PLCXD1: variants seen among roughly 807,000 people sequenced by gnomAD.
The protein encoded by PLCXD1 is PI-PLC X domain-containing protein 1.
PLCXD1 carries 45 observed loss-of-function variants against 37.8 expected under a neutral mutation model. The observed-to-expected ratio is 1.19, with a 90% CI of 0.94 to 1.53. The LOEUF (loss-of-function observed/expected upper bound fraction) is 1.53. Among genes scored for constraint, PLCXD1 ranks in the 40% most tolerant of loss-of-function variants. PLCXD1 has a pLI of 0.00. For missense variants in PLCXD1, 539 were observed against 454.7 expected (o/e 1.19, Z -1.69); for synonymous variants, 246 against 206.9 (o/e 1.19, Z -1.62).
chrX:282,916 A>G (rs985590542), intron 1 of PLCXD1, among the ~76,000 whole-genome samples: 4 of 140,926 alleles, frequency 2.8e-5, no homozygotes, highest in Non-Finnish European at 6.0e-5. Flanking sequence ...ATATATGTAT[A>G]TATGTTATAC....
At chrX:283,564 T>A (rs74656081) in intron 1 of PLCXD1, 2 of 70,064 alleles carry the variant, frequency 2.9e-5, no homozygotes, top group African/African-American at 4.6e-5. Flanking sequence ...GGGGGCGGCC[T>A]TGGTGTCAGG....
At chrX:290,601 G>A (rs766288980) in intron 3 of PLCXD1, 47 bp from the exon 4 acceptor site, 2 of 1,607,604 alleles carry the variant, frequency 1.2e-6, no homozygotes, top group African/African-American at 2.7e-5. Flanking sequence ...GAGCCCCCCA[G>A]ACGCGGCGCT....
chrX:284,389 T>C, intron 2 of PLCXD1, 75 bp downstream of exon 2: 1 of 1,551,274 alleles, frequency 6.4e-7, no homozygotes, highest in East Asian at 2.2e-5. Flanking sequence ...CTGTGGCGTC[T>C]GCATTCCCCA....
chrX:276,610 G>A (rs753180076), upstream of PLCXD1, among the ~76,000 whole-genome samples: 102 of 152,262 alleles, frequency 6.7e-4, no homozygotes, highest in African/African-American at 2.3e-3. Flanking sequence ...AGCCACAGGC[G>A]GCCTGCACCC....
rs2069602122 is a variant in PLCXD1 at position 290,706 on chromosome X, C to G, written c.323C>G (p.Ala108Gly). 1 of 1,613,618 alleles carries G rather than the reference C, an allele frequency of 6.2e-7. No individual in the cohort carries two copies. The highest frequency in any genetic ancestry group is 8.5e-7 in the Non-Finnish European group (1 of 1,179,718). Residue 108 changes from alanine (A) to glycine (G), a missense_variant, in exon 4 of 7, where the codon GCC becomes GGC. Coordinates refer to ENST00000381657, the MANE Select transcript of PLCXD1 (RefSeq NM_018390.4). ...AGVRYLDLRIAHMLEGSEKNL... is the reference protein window; with the variant it reads ...AGVRYLDLRIGHMLEGSEKNL... ...GTGCGGTACCTGGACCTGCGGATAG[C>G]CCACATGCTGGAGGGCTCGGAGAAG...
In PLCXD1 at chrX:299,871, T is replaced by C. The variant is rs113301430; in HGVS notation, c.*536T>C. The stretch of plus-strand genomic sequence containing the variant: ...GAGTTCGAGACCAGCCTGACCAACA[T>C]GGTGAAACCCCGTCTCTATTAAAAA... On this transcript the variant is annotated 3_prime_UTR_variant, in exon 7 of 7. Transcript: ENST00000381657. The C allele has an allele frequency of 0.11, 12,282 of 110,744 alleles. 639 individuals are homozygous for C. The highest frequency in any genetic ancestry group is 0.16 in the Non-Finnish European group (8,080 of 49,502). 6.9% of individuals were successfully genotyped at this position (110,744 alleles called of 1,614,324 possible).
At chrX:293,417 A>T (rs1477664920) in intron 6 of PLCXD1, among the ~76,000 whole-genome samples, 199 bp downstream of exon 6, 1 of 152,170 alleles carries the variant, frequency 6.6e-6, no homozygotes, top group African/African-American at 2.4e-5. Context: ...TGAGGTCGGG[A>T]GTTTGAGACC....
chrX:293,861 G>A (rs2069716764), intron 6 of PLCXD1, among the ~76,000 whole-genome samples: 1 of 152,208 alleles, frequency 6.6e-6, no homozygotes, highest in Non-Finnish European at 1.5e-5. Flanking sequence ...GGTTGCCGGG[G>A]GCTGCGGAGG....
chrX:277,255 G>C (rs1450696077), upstream of PLCXD1, among the ~76,000 whole-genome samples: 110 of 119,112 alleles, frequency 9.2e-4, no homozygotes, highest in South Asian at 2.1e-3. Context: ...GAGGGGAGGG[G>C]TCAGGGGGAA....
intron 6 of PLCXD1, among the ~76,000 whole-genome samples, chrX:294,194 G>A (rs1383601052): frequency 3.9e-5 from 6 of 151,958 alleles, no homozygotes; most frequent in Non-Finnish European, 8.8e-5. Context: ...AAAAATTAGC[G>A]GGCACAGGCC....
chrX:282,443 G>A (rs1040388583), intron 1 of PLCXD1, among the ~76,000 whole-genome samples: 5 of 151,620 alleles, frequency 3.3e-5, no homozygotes, highest in African/African-American at 9.7e-5. Context: ...CGTGGCTCAC[G>A]CCAGTAATCC....
intron 3 of PLCXD1, 135 bp from the exon 4 acceptor site, chrX:290,513 C>T: frequency 1.1e-6 from 1 of 909,512 alleles, no homozygotes. Flanking sequence ...CCAGCACATA[C>T]AAACAGCTGT....
chrX:299,643 G>C lies in PLCXD1; in HGVS notation c.*308G>C, dbSNP rs1397565862. ...TGTGTGGCAGGCGCCTGTAGTCCCA[G>C]TTACTCGGGAGGCTCAGGCAGGAGA... On this transcript the variant is annotated 3_prime_UTR_variant, in exon 7 of 7. Coordinates refer to ENST00000381657, the MANE Select transcript of PLCXD1 (RefSeq NM_018390.4). The C allele has an allele frequency of 2.0e-5, 10 of 487,888 alleles. No individual in the cohort carries two copies. The highest frequency in any genetic ancestry group is 5.8e-5 in the African/African-American group (3 of 51,520). 30.2% of individuals were successfully genotyped at this position (487,888 alleles called of 1,614,324 possible). A position where few individuals can be genotyped will look rare whatever the true frequency, so the allele number is the denominator to read the frequency against.
chrX:288,691 C>A, intron 2 of PLCXD1, 42 bp from the exon 3 acceptor site: 2 of 1,610,050 alleles, frequency 1.2e-6, no homozygotes, highest in East Asian at 2.2e-5. Context: ...GTGGCGGGGA[C>A]GGACTCGTGG....
rs780565465 is a variant in PLCXD1 at position 285,329 on chromosome X, C to T, written c.127+1015C>T. 1.6e-4 allele frequency among the ~76,000 whole-genome samples: 23 copies of T among 147,660 alleles called. 1 individual carries two copies. Among genetic ancestry groups the T allele is most frequent in the African/African-American group, 6.1e-4 (23 of 37,470 alleles). On this transcript the variant is annotated intron_variant, in intron 2 of 6. Transcript: ENST00000381657. ...ATGCATGCACATGTGCGGGTGTGTACACATGCACATGCACACGTGTACACA... is the reference window on the plus strand; with the variant it reads ...ATGCATGCACATGTGCGGGTGTGTATACATGCACATGCACACGTGTACACA...
chrX:293,791 T>G (rs2069714713), intron 6 of PLCXD1, among the ~76,000 whole-genome samples: 1 of 152,112 alleles, frequency 6.6e-6, no homozygotes, highest in Admixed American at 6.5e-5. Context: ...ACGTAGTGTG[T>G]GAATCCATTT....
intron 6 of PLCXD1, among the ~76,000 whole-genome samples, chrX:294,142 A>C (rs2069724639): frequency 6.6e-6 from 1 of 150,580 alleles, no homozygotes; most frequent in Admixed American, 6.6e-5. Context: ...TTTGGAGACC[A>C]GCCTGGCCAA....
At position 292,960 on chromosome X, in the gene PLCXD1, T is replaced by A; in HGVS notation, c.550-75T>A. 2.8e-6 allele frequency: 3 copies of A among 1,053,174 alleles called. No homozygotes were observed. The South Asian group carries it at 4.7e-5, about 17-fold the overall frequency. 65.2% of individuals were successfully genotyped at this position (1,053,174 alleles called of 1,614,324 possible). A position where few individuals can be genotyped will look rare whatever the true frequency, so the allele number is the denominator to read the frequency against. On this transcript the variant is annotated intron_variant, in intron 5 of 6. Coordinates refer to ENST00000381657, the MANE Select transcript of PLCXD1 (RefSeq NM_018390.4). ...CTCGTGTTGGGCCGGTGTCCCGACT[T>A]CCCAGCCCTCCGCTCTCCCAGGTGC... is the stretch of plus-strand genomic sequence containing the variant.
intron 6 of PLCXD1, 56 bp downstream of exon 6, chrX:293,274 C>T (rs113903013): frequency 0.13 from 175,301 of 1,389,656 alleles, 11,742 homozygotes; most frequent in African/African-American, 0.21. Context: ...TGACGCCCTG[C>T]GGCAGGCCGG....
Sources: allele counts gnomAD v4.1 joint callset (sites outside exome capture counted in the v4.1 genomes callset), GRCh38; gene constraint gnomAD v4.1.1; transcripts MANE v1.5; gene names NCBI Gene and HGNC (gene_info 2026-07-23, HGNC 2026-07-21).